Variants in PDGFRL observed in about 807,000 individuals in gnomAD.
PDGFRL encodes the protein platelet-derived growth factor receptor-like protein.
PDGFRL carries 46 observed loss-of-function variants against 37.2 expected under a neutral mutation model. That is an observed-to-expected ratio of 1.24 (90% confidence interval 0.98 to 1.58). The LOEUF (loss-of-function observed/expected upper bound fraction) is 1.58. Among genes scored for constraint, PDGFRL ranks in the 40% most tolerant of loss-of-function variants. The pLI, the probability that PDGFRL is intolerant of heterozygous loss-of-function variation, is 0.00. For synonymous variants in PDGFRL, 251 were observed against 184.3 expected, an observed-to-expected ratio of 1.36 and a Z score of -2.93; for missense variants, 692 against 467.6, an observed-to-expected ratio of 1.48 and a Z score of -4.43.
At chr8:17,635,114 G>A (rs972016614) in intron 5 of PDGFRL, among the ~76,000 whole-genome samples, 50 of 152,112 alleles carry the variant, frequency 3.3e-4, no homozygotes, top group Admixed American at 1.5e-3. Context: ...GTCCTTCAGA[G>A]TGTTCTCTTT....
intron 2 of PDGFRL, among the ~76,000 whole-genome samples, chr8:17,609,412 T>C (rs1488501205): frequency 6.6e-6 from 1 of 151,612 alleles, no homozygotes; most frequent in African/African-American, 2.4e-5. Context: ...GAGGCGCAGG[T>C]TGCAGTGAGC....
intron 5 of PDGFRL, among the ~76,000 whole-genome samples, chr8:17,635,575 C>T (rs545108937): frequency 9.8e-4 from 149 of 152,248 alleles, no homozygotes; most frequent in African/African-American, 3.5e-3. Context: ...GTGAATTGTA[C>T]TGCTGTAAAC....
At chr8:17,583,462 CT>C (rs1289368812) in intron 1 of PDGFRL, among the ~76,000 whole-genome samples, 1 of 152,178 alleles carries the variant, frequency 6.6e-6, no homozygotes, top group Non-Finnish European at 1.5e-5. Flanking sequence ...TCAGATGAGA[CT>C]TTGGACTTTT....
intron 2 of PDGFRL, among the ~76,000 whole-genome samples, chr8:17,594,299 G>C (rs1307929305): frequency 6.6e-6 from 1 of 151,982 alleles, no homozygotes; most frequent in East Asian, 1.9e-4. Context: ...GGAGTGCAGT[G>C]GGGGGATCTC....
intron 2 of PDGFRL, among the ~76,000 whole-genome samples, chr8:17,590,697 G>A (rs1470256724): frequency 6.6e-6 from 1 of 151,818 alleles, no homozygotes; most frequent in Non-Finnish European, 1.5e-5. Context: ...GGGTGACAGA[G>A]TGAAACTCCG....
chr8:17,607,363 C>T (rs79095045), intron 2 of PDGFRL, among the ~76,000 whole-genome samples: 6,411 of 152,130 alleles, frequency 0.042, 339 homozygotes, highest in African/African-American at 0.12. Context: ...TCTGCTAACT[C>T]TTACTTAAAA....
chr8:17,611,143 C>G (rs148558787), intron 2 of PDGFRL, among the ~76,000 whole-genome samples: 1 of 152,318 alleles, frequency 6.6e-6, no homozygotes, highest in East Asian at 1.9e-4. Context: ...CCAGCTCTGC[C>G]TCTAGCTGGC....
intron 2 of PDGFRL, among the ~76,000 whole-genome samples, chr8:17,590,997 C>T (rs1175542961): frequency 6.6e-6 from 1 of 151,810 alleles, no homozygotes; most frequent in Non-Finnish European, 1.5e-5. Context: ...ATTCTCCTGC[C>T]TCAGCCTCCC....
intron 3 of PDGFRL, among the ~76,000 whole-genome samples, chr8:17,622,823 G>T (rs1394741301): frequency 3.3e-5 from 5 of 152,174 alleles, no homozygotes; most frequent in Non-Finnish European, 7.4e-5. Flanking sequence ...TTTGTAAGAG[G>T]CGTGAATTCC....
At position 17,605,135 on chromosome 8, in the gene PDGFRL, G is replaced by C. The variant is rs140422829; in HGVS notation, c.353+15370G>C. 5.5e-3 allele frequency among the ~76,000 whole-genome samples: 826 copies of C among 150,532 alleles called. 3 individuals carry two copies. The highest frequency in any genetic ancestry group is 8.5e-3 in the Admixed American group (129 of 15,214). Reference sequence around the variant, plus strand: ...CTGTCCCAGAAAGAATGAAAGAAGGGAGAGAGAGAGACAGGGAGAGGGAAG... The same window carrying C: ...CTGTCCCAGAAAGAATGAAAGAAGGCAGAGAGAGAGACAGGGAGAGGGAAG... On this transcript the variant is annotated intron_variant, in intron 2 of 5. Coordinates refer to ENST00000251630, the MANE Select transcript of PDGFRL (RefSeq NM_001372073.1).
intron 2 of PDGFRL, among the ~76,000 whole-genome samples, chr8:17,617,598 C>T (rs1804554431): frequency 6.6e-6 from 1 of 152,172 alleles, no homozygotes; most frequent in East Asian, 1.9e-4. Flanking sequence ...CATTCTAAAT[C>T]CAGGCCCTGA....
chr8:17,610,296 T>C (rs1424545260), intron 2 of PDGFRL, among the ~76,000 whole-genome samples: 1 of 152,200 alleles, frequency 6.6e-6, no homozygotes, highest in African/African-American at 2.4e-5. Context: ...ATGGTAAGAT[T>C]AGAATTGCCA....
At chr8:17,598,404 C>T (rs1804098042) in intron 2 of PDGFRL, among the ~76,000 whole-genome samples, 1 of 152,202 alleles carries the variant, frequency 6.6e-6, no homozygotes, top group Non-Finnish European at 1.5e-5. Context: ...AATAACACAT[C>T]TGTGGTTTAT....
intron 1 of PDGFRL, among the ~76,000 whole-genome samples, chr8:17,587,405 C>T (rs537373508): frequency 1.3e-5 from 2 of 152,238 alleles, no homozygotes; most frequent in East Asian, 3.9e-4. Context: ...ATTGTCATTT[C>T]TGGTAGCTTG....
intron 1 of PDGFRL, among the ~76,000 whole-genome samples, chr8:17,586,694 C>T (rs939608607): frequency 2.0e-5 from 3 of 152,176 alleles, no homozygotes; most frequent in Non-Finnish European, 2.9e-5. Flanking sequence ...AGGTCAGATG[C>T]TAATTTCAGC....
chr8:17,624,255 C>T (rs1804690632), intron 3 of PDGFRL, among the ~76,000 whole-genome samples: 2 of 152,132 alleles, frequency 1.3e-5, no homozygotes, highest in South Asian at 2.1e-4. Flanking sequence ...GTTTGTCATT[C>T]ATTATGTTTG....
At chr8:17,579,547 ATTATTAT>A (rs1803662111) in intron 1 of PDGFRL, among the ~76,000 whole-genome samples, 1 of 79,358 alleles carries the variant, frequency 1.3e-5, no homozygotes, top group Non-Finnish European at 2.6e-5. Flanking sequence ...TTATTATTTT[ATTATTAT>A]TGTTATTATT....
chr8:17,636,524 T>C (rs949609482), intron 5 of PDGFRL, among the ~76,000 whole-genome samples: 11 of 151,934 alleles, frequency 7.2e-5, no homozygotes, highest in African/African-American at 2.2e-4. Context: ...CCTTATAGTA[T>C]AGTTTGAAGT....
At chr8:17,636,713 T>C (rs1021978371) in intron 5 of PDGFRL, among the ~76,000 whole-genome samples, 12 of 152,120 alleles carry the variant, frequency 7.9e-5, no homozygotes, top group Admixed American at 5.2e-4. Flanking sequence ...CGCAGTATGG[T>C]CATTTTCACA....
Sources: allele counts gnomAD v4.1 joint callset (sites outside exome capture counted in the v4.1 genomes callset), GRCh38; gene constraint gnomAD v4.1.1; transcripts MANE v1.5; gene names NCBI Gene and HGNC (gene_info 2026-07-23, HGNC 2026-07-21).